Variants in SLCO5A1 observed in about 807,000 individuals in gnomAD.
SLCO5A1 encodes solute carrier organic anion transporter family member 5A1, also known as organic anion transporter polypeptide-related protein 4.
Under a neutral mutation model 65.1 loss-of-function variants are expected in SLCO5A1, and 39 were observed. The observed-to-expected ratio is 0.60, with a 90% CI of 0.46 to 0.78. The LOEUF (loss-of-function observed/expected upper bound fraction) is 0.78. SLCO5A1 is among the 30% of genes least tolerant of loss of function. The pLI is 0.00. For missense variants in SLCO5A1, 1,029 were observed against 1,069.4 expected (o/e 0.96, Z 0.53); for synonymous variants, 438 against 415.7 (o/e 1.05, Z -0.65).
chr8:69,801,186 T>G (rs1005273669), intron 2 of SLCO5A1, among the ~76,000 whole-genome samples: 1 of 152,146 alleles, frequency 6.6e-6, no homozygotes, highest in African/African-American at 2.4e-5. Flanking sequence ...AACCCTCAGG[T>G]CCCAGCCACA....
At chr8:69,741,147 TTGG>T (rs1313799838) in intron 4 of SLCO5A1, among the ~76,000 whole-genome samples, 1 of 152,194 alleles carries the variant, frequency 6.6e-6, no homozygotes, top group African/African-American at 2.4e-5. Context: ...GTACTTTTTG[TTGG>T]TGATCTCATT....
chr8:69,725,976 C>T lies in SLCO5A1; in HGVS notation c.1423+12064G>A, dbSNP rs1247312658. ...AGGGGATCTGGGCTATTCAGAACACCGTGCTGTGAACATAGAGGTGGTAAT... is the reference window on the plus strand; with the variant it reads ...AGGGGATCTGGGCTATTCAGAACACTGTGCTGTGAACATAGAGGTGGTAAT... On this transcript the variant is annotated intron_variant, in intron 5 of 9. Coordinates refer to ENST00000260126, the MANE Select transcript of SLCO5A1 (RefSeq NM_030958.3). Among the ~76,000 whole-genome samples, 4 of 152,156 alleles carry T rather than the reference C, an allele frequency of 2.6e-5. 1 individual carries two copies. In the East Asian group the frequency reaches 5.8e-4, roughly 22 times the overall value.
chr8:69,719,394 T>C (rs985200436), intron 5 of SLCO5A1, among the ~76,000 whole-genome samples: 8 of 152,210 alleles, frequency 5.3e-5, no homozygotes, highest in Non-Finnish European at 2.9e-5. Context: ...AACCCTACTG[T>C]CTATGAGAAC....
intron 2 of SLCO5A1, among the ~76,000 whole-genome samples, chr8:69,774,390 G>GC (rs1818473663): frequency 6.6e-6 from 1 of 152,140 alleles, no homozygotes; most frequent in Non-Finnish European, 1.5e-5. Context: ...CTCTCCACAG[G>GC]CCACTACCAT....
Position 69,669,059 on chromosome 8 carries a change from A to C in SLCO5A1, c.*3810T>G, listed in dbSNP as rs1813260120. The C allele has an allele frequency of 6.6e-6, 1 of 152,220 alleles. No homozygotes were observed. The highest frequency in any genetic ancestry group is 2.4e-5 in the African/African-American group (1 of 41,446). The allele number at this position is 152,220 out of a possible 1,614,324, so 9.4% of individuals were successfully genotyped here. A position where few individuals can be genotyped will look rare whatever the true frequency, so the allele number is the denominator to read the frequency against. ...ACAAATCTGAACTACCTTTCTTCATAATGTTTCATTTCAGAAACTCTGCCG... is the reference window on the plus strand; with the variant it reads ...ACAAATCTGAACTACCTTTCTTCATCATGTTTCATTTCAGAAACTCTGCCG... On this transcript the variant is annotated 3_prime_UTR_variant, in exon 10 of 10. Transcript: ENST00000260126.
rs1873545 is a variant in SLCO5A1 at position 69,833,055 on chromosome 8, G to A, written c.-382C>T. ...GCCAGGAGCGAGTGCACCCTGCGCC[G>A]GGGGTGGGGGGGCACTTAGCGCTGC... On this transcript the variant is annotated 5_prime_UTR_variant, in exon 2 of 10. Coordinates refer to ENST00000260126, the MANE Select transcript of SLCO5A1 (RefSeq NM_030958.3). 0.11 allele frequency: 27,700 copies of A among 244,012 alleles called. 1,804 individuals are homozygous for A. Among genetic ancestry groups the A allele is most frequent in the African/African-American group, 0.17 (7,284 of 43,174 alleles). 15.1% of individuals were successfully genotyped at this position (244,012 alleles called of 1,614,324 possible). A position where few individuals can be genotyped will look rare whatever the true frequency, so the allele number is the denominator to read the frequency against.
intron 2 of SLCO5A1, among the ~76,000 whole-genome samples, chr8:69,825,059 C>T (rs939087012): frequency 1.3e-3 from 198 of 152,232 alleles, no homozygotes; most frequent in Middle Eastern, 6.8e-3. Context: ...CAGAAAAGGC[C>T]TTTGACAAAA....
At chr8:69,686,870 G>A (rs1814024249) in intron 6 of SLCO5A1, among the ~76,000 whole-genome samples, 1 of 152,212 alleles carries the variant, frequency 6.6e-6, no homozygotes, top group Non-Finnish European at 1.5e-5. Flanking sequence ...GAGTCGGAAA[G>A]AGCTGGGTTC....
intron 2 of SLCO5A1, among the ~76,000 whole-genome samples, chr8:69,772,163 C>G (rs1380832455): frequency 6.6e-6 from 1 of 152,204 alleles, no homozygotes; most frequent in Non-Finnish European, 1.5e-5. Context: ...GGATCACTTG[C>G]AACCTCGGGG....
intron 2 of SLCO5A1, among the ~76,000 whole-genome samples, chr8:69,828,041 G>C (rs1036327478): frequency 6.6e-5 from 10 of 152,270 alleles, no homozygotes; most frequent in Admixed American, 5.9e-4. Flanking sequence ...AAAGTCATGG[G>C]GTTGAGGCCC....
intron 6 of SLCO5A1, among the ~76,000 whole-genome samples, chr8:69,692,980 T>C (rs571930082): frequency 6.6e-6 from 1 of 152,226 alleles, no homozygotes; most frequent in Non-Finnish European, 1.5e-5. Flanking sequence ...CACAACTACA[T>C]GTGCTGTACT....
At chr8:69,778,039 T>G (rs1418731518) in intron 2 of SLCO5A1, among the ~76,000 whole-genome samples, 2 of 152,176 alleles carry the variant, frequency 1.3e-5, no homozygotes, top group African/African-American at 4.8e-5. Flanking sequence ...TGTTCCATTT[T>G]ATTATTGTTG....
Position 69,789,611 on chromosome 8 carries a change from G to A in SLCO5A1, c.908-27736C>T, listed in dbSNP as rs1237420122. ...TGATGAACAAGTTTAGACATCTATCGTACAACATGAGAACTAAAGTTAATA... is the reference window on the plus strand; with the variant it reads ...TGATGAACAAGTTTAGACATCTATCATACAACATGAGAACTAAAGTTAATA... On this transcript the variant is annotated intron_variant, in intron 2 of 9. Coordinates refer to ENST00000260126, the MANE Select transcript of SLCO5A1 (RefSeq NM_030958.3). 1.3e-5 allele frequency among the ~76,000 whole-genome samples: 2 copies of A among 152,136 alleles called. 1 individual carries two copies. Among genetic ancestry groups the A allele is most frequent in the Non-Finnish European group, 2.9e-5 (2 of 68,012 alleles).
At position 69,793,264 on chromosome 8, in the gene SLCO5A1, G is replaced by A. The variant is rs371138610; in HGVS notation, c.908-31389C>T. On this transcript the variant is annotated intron_variant, in intron 2 of 9. Coordinates refer to ENST00000260126, the MANE Select transcript of SLCO5A1 (RefSeq NM_030958.3). ...CTCCCAAAGTGCTGGGATTACAGGC[G>A]TGAGCCATTGTGCTCAGCCAATAAA... 1.3e-4 allele frequency among the ~76,000 whole-genome samples: 20 copies of A among 152,020 alleles called. 1 individual carries two copies. Among genetic ancestry groups the A allele is most frequent in the African/African-American group, 3.9e-4 (16 of 41,384 alleles).
chr8:69,705,531 A>G (rs1814931860), intron 5 of SLCO5A1, among the ~76,000 whole-genome samples: 1 of 152,212 alleles, frequency 6.6e-6, no homozygotes, highest in Non-Finnish European at 1.5e-5. Flanking sequence ...CAGACAAACA[A>G]TAAACACGTG....
At chr8:69,699,280 G>A (rs1814623255) in intron 6 of SLCO5A1, among the ~76,000 whole-genome samples, 1 of 152,164 alleles carries the variant, frequency 6.6e-6, no homozygotes, top group African/African-American at 2.4e-5. Context: ...CTAGAATGAT[G>A]ACAGGGAAGT....
chr8:69,710,791 A>T (rs1815206006), intron 5 of SLCO5A1, among the ~76,000 whole-genome samples: 1 of 152,180 alleles, frequency 6.6e-6, no homozygotes, highest in African/African-American at 2.4e-5. Flanking sequence ...ATATGAGGGC[A>T]CACCAAACAG....
At chr8:69,725,573 T>C (rs1816025734) in intron 5 of SLCO5A1, among the ~76,000 whole-genome samples, 1 of 152,180 alleles carries the variant, frequency 6.6e-6, no homozygotes, top group Admixed American at 6.5e-5. Flanking sequence ...CTTGAATGCC[T>C]GGAAAAAGAA....
intron 6 of SLCO5A1, among the ~76,000 whole-genome samples, chr8:69,697,025 C>T (rs1037588285): frequency 4.6e-5 from 7 of 152,060 alleles, no homozygotes; most frequent in African/African-American, 1.7e-4. Flanking sequence ...TACGTTCCAA[C>T]ATCTGACTAA....
Sources: allele counts gnomAD v4.1 joint callset (sites outside exome capture counted in the v4.1 genomes callset), GRCh38; gene constraint gnomAD v4.1.1; transcripts MANE v1.5; gene names NCBI Gene and HGNC (gene_info 2026-07-23, HGNC 2026-07-21).